The following PTPRD variants were observed in gnomAD, a reference collection of about 807,000 sequenced individuals.
PTPRD encodes protein tyrosine phosphatase receptor type D.
In PTPRD, 34 loss-of-function variants were observed where a neutral mutation model predicts 214.5. The ratio of observed to expected loss-of-function variants is 0.16; its 90% CI spans 0.12 to 0.21. The LOEUF is 0.21. Ranked by LOEUF, PTPRD falls within the 10% of genes least tolerant of loss-of-function variation. The probability of loss-of-function intolerance (pLI) is 1.00; values close to 1 mark genes in which losing one functional copy is unlikely to be tolerated. For synonymous variants in PTPRD, 1,128 were observed against 845.7 expected, an observed-to-expected ratio of 1.33 and a Z score of -5.79; for missense variants, 2,545 against 2,398.7, an observed-to-expected ratio of 1.06 and a Z score of -1.27.
At chr9:9,147,539 A>G (rs2099870754) in intron 10 of PTPRD, among the ~76,000 whole-genome samples, 1 of 152,126 alleles carries the variant, frequency 6.6e-6, no homozygotes, top group South Asian at 2.1e-4. Context: ...AAAAAATAAT[A>G]TGTTGTATCA....
intron 2 of PTPRD, among the ~76,000 whole-genome samples, chr9:10,381,810 T>A (rs990907227): frequency 6.6e-6 from 1 of 151,984 alleles, no homozygotes. Context: ...AATGGCTTAT[T>A]ATAACTGCTA....
chr9:9,165,047 A>G (rs1033672459), intron 10 of PTPRD, among the ~76,000 whole-genome samples: 2 of 107,386 alleles, frequency 1.9e-5, no homozygotes, highest in Admixed American at 1.0e-4. Context: ...GCAAGACTCC[A>G]TCTCAAAAAA....
chr9:8,975,723 C>T (rs544514047), intron 11 of PTPRD, among the ~76,000 whole-genome samples: 1 of 151,546 alleles, frequency 6.6e-6, no homozygotes, highest in Non-Finnish European at 1.5e-5. Flanking sequence ...TATATTAAAA[C>T]ATTTTAAATC....
intron 39 of PTPRD, among the ~76,000 whole-genome samples, chr9:8,350,787 G>GA (rs942577729): frequency 5.9e-5 from 9 of 151,876 alleles, no homozygotes; most frequent in South Asian, 2.1e-4. Flanking sequence ...AAATTAAAAT[G>GA]AAAAAAAATT....
At chr9:8,462,868 C>T (rs538635096) in intron 32 of PTPRD, among the ~76,000 whole-genome samples, 14 of 151,734 alleles carry the variant, frequency 9.2e-5, no homozygotes, top group Admixed American at 4.6e-4. Flanking sequence ...TTTTCTTTGG[C>T]GAAACTACAG....
At chr9:9,926,563 A>G (rs1197881973) in intron 5 of PTPRD, among the ~76,000 whole-genome samples, 2 of 152,208 alleles carry the variant, frequency 1.3e-5, no homozygotes, top group Admixed American at 1.3e-4. Flanking sequence ...TCTATGATTT[A>G]AAATTTCACT....
At position 8,413,890 on chromosome 9, in the gene PTPRD, A is replaced by G. The variant is rs144401074; in HGVS notation, c.4087-9230T>C. On this transcript the variant is annotated intron_variant, in intron 35 of 45. Coordinates refer to ENST00000381196, the MANE Select transcript of PTPRD (RefSeq NM_002839.4). ...TTAGTTTTACATTGTAAAATTAGGGACTCTTCTAAGTTAAATATTAGAAAA... is the reference window on the plus strand; with the variant it reads ...TTAGTTTTACATTGTAAAATTAGGGGCTCTTCTAAGTTAAATATTAGAAAA... Among the ~76,000 whole-genome samples, 530 of 152,086 alleles carry G rather than the reference A, an allele frequency of 3.5e-3. 7 individuals are homozygous for G. Among genetic ancestry groups the G allele is most frequent in the Middle Eastern group, 6.8e-3 (2 of 292 alleles).
chr9:9,932,878 C>T (rs1375166174), intron 5 of PTPRD, among the ~76,000 whole-genome samples: 3 of 132,956 alleles, frequency 2.3e-5, no homozygotes, highest in Non-Finnish European at 5.0e-5. Context: ...CAGCAGATCT[C>T]TCGGCAGAAA....
At chr9:9,948,969 A>G (rs1261429833) in intron 4 of PTPRD, among the ~76,000 whole-genome samples, 7 of 151,932 alleles carry the variant, frequency 4.6e-5, no homozygotes, top group African/African-American at 7.2e-5. Context: ...GAGAAACACT[A>G]TATCTGATGC....
chr9:10,262,946 A>C (rs969027349), intron 3 of PTPRD, among the ~76,000 whole-genome samples: 1 of 151,986 alleles, frequency 6.6e-6, no homozygotes. Context: ...TTTCCCACAT[A>C]CTGTTCTCGT....
chr9:9,323,024 A>C (rs1319483546), intron 9 of PTPRD, among the ~76,000 whole-genome samples: 1 of 152,114 alleles, frequency 6.6e-6, no homozygotes, highest in Non-Finnish European at 1.5e-5. Context: ...TGAAGGAATC[A>C]CTCAAATTTT....
At position 9,133,490 on chromosome 9, in the gene PTPRD, A is replaced by G. The variant is rs374736336; in HGVS notation, c.-143+49814T>C. ...TAAGAATTAGAGTGTATACACTGAA[A>G]GAAAAGCAAAAGGGAATTTCTAGAA... is the stretch of plus-strand genomic sequence containing the variant. On this transcript the variant is annotated intron_variant, in intron 10 of 45. Coordinates refer to ENST00000381196, the MANE Select transcript of PTPRD (RefSeq NM_002839.4). Among the ~76,000 whole-genome samples the G allele has an allele frequency of 2.6e-5, 4 of 152,358 alleles. No individual in the cohort carries two copies. In the East Asian group the frequency reaches 7.7e-4, roughly 29 times the overall value.
intron 11 of PTPRD, among the ~76,000 whole-genome samples, chr9:8,748,870 A>G (rs2093200878): frequency 6.6e-6 from 1 of 152,194 alleles, no homozygotes; most frequent in Non-Finnish European, 1.5e-5. Flanking sequence ...AGATTGCGCC[A>G]GTGCACTCCA....
intron 14 of PTPRD, among the ~76,000 whole-genome samples, chr9:8,533,686 T>C (rs961441392): frequency 2.6e-5 from 4 of 151,980 alleles, no homozygotes; most frequent in African/African-American, 9.7e-5. Context: ...CAATAAACCG[T>C]AATAATAGTT....
intron 39 of PTPRD, among the ~76,000 whole-genome samples, chr9:8,350,012 A>C (rs934914412): frequency 1.3e-5 from 2 of 151,976 alleles, no homozygotes; most frequent in Non-Finnish European, 2.9e-5. Flanking sequence ...AATCCATTAA[A>C]CAAGTATGCC....
chr9:9,509,230 G>A (rs1590202054), intron 8 of PTPRD, among the ~76,000 whole-genome samples: 1 of 151,320 alleles, frequency 6.6e-6, no homozygotes, highest in South Asian at 2.1e-4. Context: ...ATTTAATTAT[G>A]GGAAAAAAAC....
chr9:9,460,180 T>C (rs1317298560), intron 8 of PTPRD, among the ~76,000 whole-genome samples: 1 of 151,916 alleles, frequency 6.6e-6, no homozygotes, highest in African/African-American at 2.4e-5. Flanking sequence ...TCTCACGATA[T>C]AAAAACTAGC....
chr9:9,707,026 G>A (rs971345184), intron 7 of PTPRD, among the ~76,000 whole-genome samples: 2 of 152,052 alleles, frequency 1.3e-5, no homozygotes, highest in Non-Finnish European at 2.9e-5. Flanking sequence ...TACCACTCAA[G>A]AAAATATTAT....
At position 10,018,705 on chromosome 9, in the gene PTPRD, G is replaced by A. The variant is rs528220932; in HGVS notation, c.-472+15013C>T. Among the ~76,000 whole-genome samples, 5 of 149,754 alleles carry A rather than the reference G, an allele frequency of 3.3e-5. No homozygotes were observed. The East Asian group carries it at 9.9e-4, about 30-fold the overall frequency. ...TGGGACTACAGGCGCCCGCCACTAC[G>A]CCCGGCTAATTTTTTTTGTATTTTT... On this transcript the variant is annotated intron_variant, in intron 4 of 45. Transcript: ENST00000381196.
Sources: allele counts gnomAD v4.1 joint callset (sites outside exome capture counted in the v4.1 genomes callset), GRCh38; gene constraint gnomAD v4.1.1; transcripts MANE v1.5; gene names NCBI Gene and HGNC (gene_info 2026-07-23, HGNC 2026-07-21).